Variants in POGLUT1 observed in about 807,000 individuals in gnomAD.
The protein encoded by POGLUT1 is 9630046K23Rik.
Under a neutral mutation model 61.3 loss-of-function variants are expected in POGLUT1, and 32 were observed. That is an observed-to-expected ratio of 0.52 (90% CI 0.39 to 0.70). POGLUT1 has a LOEUF of 0.70. Ranked by LOEUF, POGLUT1 falls within the 30% of genes least tolerant of loss-of-function variation. The probability of loss-of-function intolerance (pLI) is 0.00; values close to 1 mark genes in which losing one functional copy is unlikely to be tolerated. For synonymous variants in POGLUT1, 158 were observed against 158.2 expected, an observed-to-expected ratio of 1.00 and a Z score of 0.01; for missense variants, 411 against 469.8, an observed-to-expected ratio of 0.87 and a Z score of 1.16.
chr3:119,477,519 C>T (rs889685955), intron 4 of POGLUT1, 71 bp downstream of exon 4: 70 of 1,442,574 alleles, frequency 4.9e-5, no homozygotes, highest in Admixed American at 6.8e-5. Flanking sequence ...GATCTTTGTC[C>T]GGTGACATAG....
At chr3:119,471,516 T>C (rs1387366967) in intron 3 of POGLUT1, 64 bp downstream of exon 3, 2 of 1,433,484 alleles carry the variant, frequency 1.4e-6, no homozygotes, top group Non-Finnish European at 2.0e-6. Flanking sequence ...TACCCTTTTA[T>C]AGAGGAGCCA....
intron 5 of POGLUT1, among the ~76,000 whole-genome samples, chr3:119,481,760 A>C (rs2081608064): frequency 6.6e-6 from 1 of 152,230 alleles, no homozygotes; most frequent in South Asian, 2.1e-4. Flanking sequence ...CAAGGTCAGA[A>C]GCAAATCTAG....
rs2081450005 is a variant in POGLUT1, at chr3:119,469,910, G to A, written c.176G>A (p.Gly59Asp). The A allele has an allele frequency of 6.4e-6, 10 of 1,559,888 alleles. No individual in the cohort carries two copies. The highest frequency in any genetic ancestry group is 8.0e-6 in the Non-Finnish European group (9 of 1,130,732). Reference sequence around the variant, plus strand: ...AGTCAAAACTGCAGCTGCTACCATGGGTGAGTTCTTTTCTTTGATGTGTCT... The same window carrying A: ...AGTCAAAACTGCAGCTGCTACCATGAGTGAGTTCTTTTCTTTGATGTGTCT... ...CSSQNCSCYH[G>D]VIEEDLTPFR... The change falls in exon 2 of 11, where the codon GGT becomes GAT. Residue 59 changes from glycine to aspartate, a missense_variant and splice_region_variant. Physicochemically the swap from Gly to Asp is moderately conservative, Grantham distance 94. Coordinates refer to ENST00000295588, the MANE Select transcript of POGLUT1 (RefSeq NM_152305.3).
chr3:119,479,699 G>A (rs2081584171), intron 4 of POGLUT1, among the ~76,000 whole-genome samples: 3 of 152,208 alleles, frequency 2.0e-5, no homozygotes, highest in South Asian at 2.1e-4. Context: ...ACTCTTAAAT[G>A]TAATAGTTAA....
In POGLUT1 at chr3:119,481,902, A is replaced by G. The variant is rs1027936760; in HGVS notation, c.578+1730A>G. On this transcript the variant is annotated intron_variant, in intron 5 of 10. Transcript: ENST00000295588. ...TTGAACATAATTTTGAGAGGGGGGGAAAAAGGTGTGGTTTTTTTGTTTCTT... is the reference window on the plus strand; with the variant it reads ...TTGAACATAATTTTGAGAGGGGGGGGAAAAGGTGTGGTTTTTTTGTTTCTT... Among the ~76,000 whole-genome samples the G allele has an allele frequency of 1.4e-4, 21 of 151,212 alleles. No individual in the cohort carries two copies. In the East Asian group the frequency reaches 2.5e-3, roughly 18 times the overall value.
chr3:119,477,469 A>G (rs778939464), intron 4 of POGLUT1, 21 bp downstream of exon 4: 10 of 1,611,374 alleles, frequency 6.2e-6, no homozygotes, highest in African/African-American at 1.3e-5. Context: ...GGAGAGCCAC[A>G]TGGGTGGATG....
At chr3:119,469,500 T>C (rs1354406581) in intron 1 of POGLUT1, among the ~76,000 whole-genome samples, 1 of 152,266 alleles carries the variant, frequency 6.6e-6, no homozygotes, top group East Asian at 1.9e-4. Context: ...CTGTAGCTTT[T>C]AACTGATCCT....
intron 3 of POGLUT1, 120 bp downstream of exon 3, chr3:119,471,572 C>A: frequency 2.2e-6 from 2 of 916,188 alleles, no homozygotes; most frequent in Non-Finnish European, 3.5e-6. Context: ...TTCAGGCGGA[C>A]TATGAAATAG....
chr3:119,490,669 A>G lies in POGLUT1; in HGVS notation c.916A>G (p.Lys306Glu). ...EWLEFFYPQL[K>E]PWVHYIPVKT... ...GCTAGAATTCTTCTATCCACAGCTG[A>G]AGCCATGGGTTCACTATATCCCAGT... The change falls in exon 9 of 11, where the codon AAG (lysine) becomes GAG (glutamate). Residue 306 changes from lysine to glutamate, a missense_variant. By Grantham distance (56) the Lys-to-Glu change is moderately conservative. Coordinates refer to ENST00000295588, the MANE Select transcript of POGLUT1 (RefSeq NM_152305.3). 6.2e-7 allele frequency: 1 copy of G among 1,614,136 alleles called. No individual in the cohort carries two copies. The highest frequency in any genetic ancestry group is 1.3e-5 in the African/African-American group (1 of 75,052).
At chr3:119,481,180 A>C (rs1269156184) in intron 5 of POGLUT1, among the ~76,000 whole-genome samples, 1 of 152,222 alleles carries the variant, frequency 6.6e-6, no homozygotes. Flanking sequence ...TTGAGAGCTA[A>C]GTAGTTTAGG....
intron 3 of POGLUT1, chr3:119,471,839 C>T (rs2081477363): frequency 7.9e-6 from 2 of 254,114 alleles, no homozygotes; most frequent in East Asian, 2.8e-4. Flanking sequence ...ACTGAATATT[C>T]AAGGGGAGGT....
At chr3:119,469,254 G>C (rs918065783) in intron 1 of POGLUT1, 148 bp downstream of exon 1, 1 of 656,810 alleles carries the variant, frequency 1.5e-6, no homozygotes, top group South Asian at 1.7e-5. Context: ...GCCTTGCGGC[G>C]GAGAGTGAGG....
Position 119,477,426 on chromosome 3 carries a change from T to C in POGLUT1, c.434T>C (p.Ile145Thr). ...GTTCCTAAATGGATGGAGCCTGCCA[T>C]CCCAGTCTTCTCCTTCAGTAAGGTA... ...PQVPKWMEPA[I>T]PVFSFSKTSE... The change falls in exon 4 of 11, where the codon ATC (isoleucine) becomes ACC (threonine). Residue 145 changes from isoleucine to threonine, a missense_variant. Ile to Thr is a moderately conservative substitution (Grantham distance 89). Transcript: ENST00000295588. 6.2e-7 allele frequency: 1 copy of C among 1,614,188 alleles called. No homozygotes were observed. The highest frequency in any genetic ancestry group is 8.5e-7 in the Non-Finnish European group (1 of 1,180,006).
intron 4 of POGLUT1, chr3:119,479,762 T>C (rs2081584583): frequency 1.2e-5 from 5 of 407,252 alleles, no homozygotes; most frequent in Non-Finnish European, 2.2e-5. Context: ...TTTCCTTAAA[T>C]TGGAAATCTT....
intron 8 of POGLUT1, 193 bp downstream of exon 8, chr3:119,489,180 A>G (rs1400819346): frequency 1.7e-5 from 7 of 414,882 alleles, no homozygotes; most frequent in Admixed American, 3.7e-5. Flanking sequence ...AGAATGGAAC[A>G]TGGTTCCTGC....
chr3:119,469,222 G>A (rs759634857), intron 1 of POGLUT1, 116 bp downstream of exon 1: 79 of 831,144 alleles, frequency 9.5e-5, no homozygotes, highest in Non-Finnish European at 1.5e-4. Context: ...GTAGCTCGGA[G>A]CTGGGCAGAA....
chr3:119,479,355 T>A (rs1181153047), intron 4 of POGLUT1, among the ~76,000 whole-genome samples: 1 of 152,252 alleles, frequency 6.6e-6, no homozygotes, highest in Non-Finnish European at 1.5e-5. Flanking sequence ...AGTGCCATAG[T>A]ATGAGATAAC....
chr3:119,493,634 T>G lies in POGLUT1; in HGVS notation c.*1196T>G, dbSNP rs1281629468. The G allele has an allele frequency of 1.3e-5, 2 of 152,164 alleles. No homozygotes were observed. Among genetic ancestry groups the G allele is most frequent in the African/African-American group, 4.8e-5 (2 of 41,422 alleles). 9.4% of individuals were successfully genotyped at this position (152,164 alleles called of 1,614,324 possible). On this transcript the variant is annotated 3_prime_UTR_variant, in exon 11 of 11. Transcript: ENST00000295588. Reference sequence around the variant, plus strand: ...TATTTGGTATTAACTAGTTTCAGAATTAGTAAATGTGAGATTCAGTCACAT... The same window carrying G: ...TATTTGGTATTAACTAGTTTCAGAAGTAGTAAATGTGAGATTCAGTCACAT...
chr3:119,489,631 T>G (rs1490194857), intron 8 of POGLUT1: 1 of 151,832 alleles, frequency 6.6e-6, no homozygotes, highest in African/African-American at 2.4e-5. Context: ...TTTTTTGTTT[T>G]TTTTTTTTCC....
Sources: gnomAD v4.1 joint callset for allele counts (sites outside exome capture counted in the v4.1 genomes callset) on GRCh38, gnomAD v4.1.1 for gene constraint, MANE v1.5 for transcripts, NCBI Gene and HGNC (gene_info 2026-07-23, HGNC 2026-07-21) for gene names.